Variants in AOAH observed in about 807,000 individuals in gnomAD.
The protein encoded by AOAH is acyloxyacyl hydrolase.
In AOAH, 64 loss-of-function variants were observed where a neutral mutation model predicts 92.2. That is an observed-to-expected ratio of 0.69 (90% confidence interval 0.57 to 0.86). The LOEUF (loss-of-function observed/expected upper bound fraction) is 0.86. Ranked by LOEUF, AOAH falls within the 40% of genes least tolerant of loss-of-function variation. The probability of loss-of-function intolerance (pLI) is 0.00; values close to 1 mark genes in which losing one functional copy is unlikely to be tolerated. For synonymous variants in AOAH, 263 were observed against 254.5 expected (o/e 1.03, Z -0.32); for missense variants, 656 against 694.6 (o/e 0.94, Z 0.62).
At chr7:36,656,149 G>C (rs1439170539) in intron 4 of AOAH, among the ~76,000 whole-genome samples, 2 of 152,170 alleles carry the variant, frequency 1.3e-5, no homozygotes, top group Non-Finnish European at 2.9e-5. Flanking sequence ...AGCAGATTTG[G>C]TTGGACTCAC....
At chr7:36,710,257 TC>T (rs979362926) in intron 1 of AOAH, among the ~76,000 whole-genome samples, 6 of 152,204 alleles carry the variant, frequency 3.9e-5, no homozygotes, top group Admixed American at 2.6e-4. Flanking sequence ...ATCAAGATTT[TC>T]CTAGATGGGC....
chr7:36,567,858 A>G (rs1404754792), intron 13 of AOAH, among the ~76,000 whole-genome samples: 1 of 152,168 alleles, frequency 6.6e-6, no homozygotes, highest in Admixed American at 6.5e-5. Context: ...TTGTTAGGAT[A>G]TCTCCCAGAG....
chr7:36,537,509 T>TTG (rs977357185), intron 16 of AOAH, among the ~76,000 whole-genome samples: 7 of 124,230 alleles, frequency 5.6e-5, no homozygotes, highest in Non-Finnish European at 9.7e-5. Flanking sequence ...CCCTCTTGTT[T>TTG]TTTTTTTTTT....
chr7:36,631,665 G>T (rs1793113683), intron 6 of AOAH, among the ~76,000 whole-genome samples: 2 of 152,296 alleles, frequency 1.3e-5, no homozygotes, highest in Admixed American at 1.3e-4. Flanking sequence ...GATGCTCAGA[G>T]TCTTCTCCAT....
intron 2 of AOAH, among the ~76,000 whole-genome samples, chr7:36,676,027 GA>G (rs1264376448): frequency 3.9e-5 from 6 of 152,174 alleles, no homozygotes; most frequent in Non-Finnish European, 8.8e-5. Context: ...ATTTAGTGGT[GA>G]AAAATTAAAT....
At position 36,686,797 on chromosome 7, in the gene AOAH, G is replaced by C. The variant is rs546219397; in HGVS notation, c.128-3C>G. ...TACAGACACCACCAGCACACACCCT[G>C]CCAGGGAGGAGAAGAACATGTAATC... On this transcript the variant is annotated splice_region_variant and splice_polypyrimidine_tract_variant and intron_variant, in intron 1 of 20. Transcript: ENST00000617537. 2.0e-6 allele frequency: 3 copies of C among 1,533,222 alleles called. No individual in the cohort carries two copies. The highest frequency in any genetic ancestry group is 2.6e-6 in the Non-Finnish European group (3 of 1,140,304). The allele number at this position is 1,533,222 out of a possible 1,614,324, so 95.0% of individuals were successfully genotyped here.
chr7:36,559,266 A>T (rs1486634279), intron 13 of AOAH, among the ~76,000 whole-genome samples: 5 of 152,272 alleles, frequency 3.3e-5, no homozygotes, highest in African/African-American at 1.2e-4. Context: ...GTATATACCC[A>T]GTAACAGGAT....
chr7:36,626,535 T>A (rs1432948260), intron 6 of AOAH, among the ~76,000 whole-genome samples: 2 of 152,118 alleles, frequency 1.3e-5, no homozygotes, highest in Admixed American at 6.6e-5. Context: ...TAATCAAAAT[T>A]TTTTTCAACT....
At chr7:36,627,815 G>A (rs560396974) in intron 6 of AOAH, among the ~76,000 whole-genome samples, 3 of 149,350 alleles carry the variant, frequency 2.0e-5, no homozygotes, top group Admixed American at 6.7e-5. Context: ...CAGGTGAGTC[G>A]GCTTGATCCA....
At chr7:36,692,210 A>AGG (rs1216927632) in intron 1 of AOAH, among the ~76,000 whole-genome samples, 1 of 152,220 alleles carries the variant, frequency 6.6e-6, no homozygotes, top group Non-Finnish European at 1.5e-5. Context: ...CCTGGCATGG[A>AGG]GCAGGCATTT....
At chr7:36,693,595 T>C (rs914255317) in intron 1 of AOAH, among the ~76,000 whole-genome samples, 1 of 152,190 alleles carries the variant, frequency 6.6e-6, no homozygotes, top group African/African-American at 2.4e-5. Flanking sequence ...TAAAAACGTG[T>C]ATAAAACTTA....
intron 11 of AOAH, among the ~76,000 whole-genome samples, chr7:36,597,587 T>C (rs2115584022): frequency 6.6e-6 from 1 of 152,284 alleles, no homozygotes; most frequent in East Asian, 1.9e-4. Context: ...GCAAAACACG[T>C]TGAAACTTAC....
intron 15 of AOAH, among the ~76,000 whole-genome samples, chr7:36,543,581 A>G (rs550586392): frequency 6.6e-6 from 1 of 151,040 alleles, no homozygotes; most frequent in Non-Finnish European, 1.5e-5. Flanking sequence ...ACACTGAATA[A>G]TTTTTTTTTT....
intron 1 of AOAH, among the ~76,000 whole-genome samples, chr7:36,705,762 C>A (rs1798362428): frequency 6.6e-6 from 1 of 152,028 alleles, no homozygotes; most frequent in South Asian, 2.1e-4. Context: ...GCTACAGTAA[C>A]CAAAAGGCTG....
At chr7:36,597,134 C>G (rs74639504) in intron 11 of AOAH, among the ~76,000 whole-genome samples, 1 of 152,058 alleles carries the variant, frequency 6.6e-6, no homozygotes, top group Non-Finnish European at 1.5e-5. Context: ...GGAAGTATGG[C>G]GTCCTGGGAT....
At chr7:36,606,229 A>G (rs1001463406) in intron 11 of AOAH, among the ~76,000 whole-genome samples, 1 of 152,168 alleles carries the variant, frequency 6.6e-6, no homozygotes, top group Non-Finnish European at 1.5e-5. Context: ...CGGGTGAGTG[A>G]GCGTAGGGTG....
At chr7:36,515,768 A>G (rs1443386255) in intron 20 of AOAH, among the ~76,000 whole-genome samples, 1 of 108,414 alleles carries the variant, frequency 9.2e-6, no homozygotes, top group Non-Finnish European at 1.8e-5. Flanking sequence ...ACAACCCCGC[A>G]CCTCACACAC....
At chr7:36,630,824 CAT>C (rs1260010165) in intron 6 of AOAH, among the ~76,000 whole-genome samples, 2 of 152,176 alleles carry the variant, frequency 1.3e-5, no homozygotes, top group Non-Finnish European at 2.9e-5. Context: ...CCAAAGAACA[CAT>C]GAGATCAAAT....
At chr7:36,671,825 A>G (rs75146622) in intron 3 of AOAH, among the ~76,000 whole-genome samples, 2,973 of 152,130 alleles carry the variant, frequency 0.02, 93 homozygotes, top group African/African-American at 0.068. Flanking sequence ...AAGTGGTTTG[A>G]AGTGTAGTGT....
Sources: allele counts gnomAD v4.1 joint callset (sites outside exome capture counted in the v4.1 genomes callset), GRCh38; gene constraint gnomAD v4.1.1; transcripts MANE v1.5; gene names NCBI Gene and HGNC (gene_info 2026-07-23, HGNC 2026-07-21).